AAK1: variants seen among roughly 807,000 people sequenced by gnomAD.
AAK1 encodes AP2-associated protein kinase 1.
Under a neutral mutation model 116.0 loss-of-function variants are expected in AAK1, and 37 were observed. The ratio of observed to expected loss-of-function variants is 0.32; its 90% CI spans 0.25 to 0.42. AAK1 has a LOEUF of 0.42. AAK1 is among the 10% of genes least tolerant of loss of function. The pLI, the probability that AAK1 is intolerant of heterozygous loss-of-function variation, is 1.00. For missense variants in AAK1, 919 were observed against 1,170.6 expected (o/e 0.79, Z 3.14); for synonymous variants, 458 against 439.9 (o/e 1.04, Z -0.51).
chr2:69,641,213 G>A (rs1267036274), intron 2 of AAK1, among the ~76,000 whole-genome samples: 1 of 152,202 alleles, frequency 6.6e-6, no homozygotes, highest in African/African-American at 2.4e-5. Context: ...CATCCTAGCT[G>A]AACAAAACGC....
intron 2 of AAK1, among the ~76,000 whole-genome samples, chr2:69,577,200 T>C (rs781732487): frequency 6.6e-6 from 1 of 152,254 alleles, no homozygotes; most frequent in Non-Finnish European, 1.5e-5. Flanking sequence ...GTTTGCCCAG[T>C]GCTCTTGGCC....
Position 69,622,289 on chromosome 2 carries a change from C to T in AAK1, c.163+20589G>A, listed in dbSNP as rs906530977. On this transcript the variant is annotated intron_variant, in intron 2 of 21. Transcript: ENST00000409085. ...CCCGCGGGGCAGGGCTTGGGACCTG[C>T]AGCCCGCCATGCCTGAGCCTTCCCC... is the stretch of plus-strand genomic sequence containing the variant. Among the ~76,000 whole-genome samples, 23 of 152,354 alleles carry T rather than the reference C, an allele frequency of 1.5e-4. 1 individual carries two copies. The highest frequency in any genetic ancestry group is 1.2e-3 in the Admixed American group (19 of 15,308).
At chr2:69,478,665 G>C in intron 20 of AAK1, 1 of 321,644 alleles carries the variant, frequency 3.1e-6, no homozygotes, top group South Asian at 3.0e-5. Context: ...TGTTGTCCAG[G>C]CTGGTCTCAA....
At chr2:69,635,599 G>A (rs1675409500) in intron 2 of AAK1, among the ~76,000 whole-genome samples, 2 of 152,170 alleles carry the variant, frequency 1.3e-5, no homozygotes, top group South Asian at 2.1e-4. Context: ...GCATATTCCT[G>A]AACCTTAAAC....
chr2:69,482,952 A>G, intron 17 of AAK1, 140 bp from the exon 18 acceptor site: 1 of 612,592 alleles, frequency 1.6e-6, no homozygotes, highest in East Asian at 2.7e-5. Flanking sequence ...AATGCTATTA[A>G]TATCTTGTTA....
chr2:69,558,406 A>G (rs1021904613), intron 2 of AAK1, among the ~76,000 whole-genome samples: 6 of 152,072 alleles, frequency 3.9e-5, no homozygotes, highest in African/African-American at 1.4e-4. Context: ...GTTACACCAC[A>G]GCATTCCCCA....
intron 10 of AAK1, among the ~76,000 whole-genome samples, chr2:69,522,591 G>A (rs905758365): frequency 2.0e-5 from 3 of 152,092 alleles, no homozygotes; most frequent in Non-Finnish European, 2.9e-5. Context: ...ATCACTTGAG[G>A]TCAGGAGTTT....
At chr2:69,493,737 G>C (rs1675632055) in intron 17 of AAK1, among the ~76,000 whole-genome samples, 1 of 152,184 alleles carries the variant, frequency 6.6e-6, no homozygotes, top group South Asian at 2.1e-4. Flanking sequence ...GTGACTGGGA[G>C]TGCCCATGGG....
chr2:69,625,365 C>G (rs578195637), intron 2 of AAK1, among the ~76,000 whole-genome samples: 18 of 152,350 alleles, frequency 1.2e-4, no homozygotes, highest in African/African-American at 3.6e-4. Context: ...TCAAAAAAGA[C>G]AGCAATCCAG....
At chr2:69,621,685 A>C (rs1388497079) in intron 2 of AAK1, among the ~76,000 whole-genome samples, 1 of 152,194 alleles carries the variant, frequency 6.6e-6, no homozygotes, top group Non-Finnish European at 1.5e-5. Flanking sequence ...GCACACTGCA[A>C]ACTGATCATG....
intron 2 of AAK1, among the ~76,000 whole-genome samples, chr2:69,589,069 A>G (rs754792068): frequency 4.3e-4 from 66 of 152,202 alleles, no homozygotes; most frequent in Admixed American, 9.8e-4. Flanking sequence ...GGCCATTACT[A>G]GTGTCAGCTG....
At chr2:69,493,151 T>C (rs2104925417) in intron 17 of AAK1, among the ~76,000 whole-genome samples, 1 of 32,792 alleles carries the variant, frequency 3.0e-5, no homozygotes, top group Admixed American at 3.7e-4. Flanking sequence ...AGAGCGAGAC[T>C]CCGTCTCAAA....
At chr2:69,515,939 T>C (rs2104985398) in intron 12 of AAK1, among the ~76,000 whole-genome samples, 1 of 152,234 alleles carries the variant, frequency 6.6e-6, no homozygotes, top group South Asian at 2.1e-4. Context: ...ATGATAGATA[T>C]ATCCTGAAGG....
rs1247351875 is a variant in AAK1, at chr2:69,473,734, A to T, written c.*2135T>A. 1 of 968,108 alleles carries T rather than the reference A, an allele frequency of 1.0e-6. No homozygotes were observed. 60.0% of individuals were successfully genotyped at this position (968,108 alleles called of 1,614,324 possible). ...TTCATTATATTTCTAACATGTATAT[A>T]CGAAAAAAATCAAATATGAAAACAT... is the stretch of plus-strand genomic sequence containing the variant. On this transcript the variant is annotated 3_prime_UTR_variant, in exon 22 of 22. Transcript: ENST00000409085.
chr2:69,557,141 G>T (rs1671416931), intron 2 of AAK1, among the ~76,000 whole-genome samples, 163 bp from the exon 3 acceptor site: 1 of 152,176 alleles, frequency 6.6e-6, no homozygotes, highest in Admixed American at 6.5e-5. Flanking sequence ...TAGATTCTCA[G>T]AACTTGGAGA....
chr2:69,490,668 TAG>T (rs1254624921), intron 17 of AAK1, among the ~76,000 whole-genome samples: 17 of 150,968 alleles, frequency 1.1e-4, no homozygotes, highest in Admixed American at 1.1e-3. Context: ...GGAGGGGAAA[TAG>T]AGAGTTGTTG....
chr2:69,466,446 G>C lies in AAK1; in HGVS notation c.*9423C>G. ...TAAGTTGTTCTGAGTCTTTGTGCCA[G>C]GTACTCTGGAGGGGTCTGGATACAG... On this transcript the variant is annotated 3_prime_UTR_variant, in exon 22 of 22. Transcript: ENST00000409085. 1 of 1,289,486 alleles carries C rather than the reference G, an allele frequency of 7.8e-7. No homozygotes were observed. The highest frequency in any genetic ancestry group is 1.0e-6 in the Non-Finnish European group (1 of 988,688). The allele number at this position is 1,289,486 out of a possible 1,614,324, so 79.9% of individuals were successfully genotyped here. A position where few individuals can be genotyped will look rare whatever the true frequency, so the allele number is the denominator to read the frequency against.
chr2:69,528,988 TTCC>T (rs1477738504), intron 8 of AAK1, among the ~76,000 whole-genome samples: 2 of 152,230 alleles, frequency 1.3e-5, no homozygotes, highest in African/African-American at 2.4e-5. Context: ...CCTTTAAATA[TTCC>T]TCCTTTTTTT....
At chr2:69,526,081 G>A (rs1400943036) in intron 9 of AAK1, among the ~76,000 whole-genome samples, 1 of 152,152 alleles carries the variant, frequency 6.6e-6, no homozygotes, top group South Asian at 2.1e-4. Flanking sequence ...AAGGAGAAGA[G>A]TTGACTTCTG....
Sources: gnomAD v4.1 joint callset for allele counts (sites outside exome capture counted in the v4.1 genomes callset) on GRCh38, gnomAD v4.1.1 for gene constraint, MANE v1.5 for transcripts, NCBI Gene and HGNC (gene_info 2026-07-23, HGNC 2026-07-21) for gene names.